Variants in SLC44A5 observed in about 807,000 individuals in gnomAD.
SLC44A5 encodes the protein choline transporter-like protein 5.
In SLC44A5, 57 loss-of-function variants were observed where a neutral mutation model predicts 101.8. That is an observed-to-expected ratio of 0.56 (90% confidence interval 0.45 to 0.70). The LOEUF is 0.70. Ranked by LOEUF, SLC44A5 falls within the 30% of genes least tolerant of loss-of-function variation. The pLI, the probability that SLC44A5 is intolerant of heterozygous loss-of-function variation, is 0.00. For synonymous variants in SLC44A5, 281 were observed against 290.9 expected (o/e 0.97, Z 0.35); for missense variants, 737 against 853.1 (o/e 0.86, Z 1.70).
At chr1:75,212,034 A>T (rs1646868713) in intron 22 of SLC44A5, among the ~76,000 whole-genome samples, 1 of 151,842 alleles carries the variant, frequency 6.6e-6, no homozygotes, top group Non-Finnish European at 1.5e-5. Flanking sequence ...TGATCCAGGG[A>T]CTCTTGCCAC....
intron 2 of SLC44A5, among the ~76,000 whole-genome samples, chr1:75,481,185 A>G (rs1466253234): frequency 6.6e-6 from 1 of 152,228 alleles, no homozygotes; most frequent in Non-Finnish European, 1.5e-5. Context: ...TGTTGCTGGG[A>G]AAACTGGCTA....
At chr1:75,310,411 T>C (rs1029451850) in intron 4 of SLC44A5, among the ~76,000 whole-genome samples, 16 of 152,246 alleles carry the variant, frequency 1.1e-4, no homozygotes. Flanking sequence ...GAGTCTTTGT[T>C]TTTTTATTTA....
intron 2 of SLC44A5, among the ~76,000 whole-genome samples, chr1:75,495,474 CA>C: frequency 6.6e-6 from 1 of 151,732 alleles, no homozygotes; most frequent in East Asian, 1.9e-4. Flanking sequence ...AAGAAACAAA[CA>C]AAAAGTCATA....
chr1:75,672,199 G>C, the SLC44A5 span, among the ~76,000 whole-genome samples: 3 of 152,156 alleles, frequency 2.0e-5, no homozygotes. Context: ...AAAAAGGCAA[G>C]TACCAAATAC....
intron 3 of SLC44A5, among the ~76,000 whole-genome samples, chr1:75,346,052 G>A (rs1023828435): frequency 6.6e-6 from 1 of 152,072 alleles, no homozygotes; most frequent in South Asian, 2.1e-4. Context: ...TGATGACAAC[G>A]CCTCATGCAG....
intron 2 of SLC44A5, among the ~76,000 whole-genome samples, chr1:75,518,353 A>T (rs985226990): frequency 2.0e-5 from 3 of 152,218 alleles, no homozygotes; most frequent in Non-Finnish European, 4.4e-5. Flanking sequence ...TATATTGAAT[A>T]ATTTCTTTAG....
At chr1:75,469,459 C>T (rs1034706682) in intron 2 of SLC44A5, among the ~76,000 whole-genome samples, 8 of 142,236 alleles carry the variant, frequency 5.6e-5, no homozygotes, top group African/African-American at 1.8e-4. Context: ...TACTAGCATT[C>T]CCAGAAAAAA....
intron 13 of SLC44A5, among the ~76,000 whole-genome samples, chr1:75,225,067 CACTT>C (rs1348083935): frequency 6.6e-6 from 1 of 152,176 alleles, no homozygotes; most frequent in Non-Finnish European, 1.5e-5. Flanking sequence ...ACTCACCACT[CACTT>C]ACTGACACCC....
chr1:75,301,534 C>T (rs1654448955), intron 4 of SLC44A5, among the ~76,000 whole-genome samples: 1 of 152,126 alleles, frequency 6.6e-6, no homozygotes, highest in African/African-American at 2.4e-5. Context: ...AAAAGTTGCA[C>T]ATGAGAATTT....
chr1:75,558,172 G>A (rs1348439159), intron 1 of SLC44A5, among the ~76,000 whole-genome samples: 2 of 152,060 alleles, frequency 1.3e-5, no homozygotes, highest in South Asian at 4.2e-4. Context: ...TTTATCTTTG[G>A]ATGTAACTGC....
At chr1:75,614,932 T>C (rs1213146084), upstream of SLC44A5, among the ~76,000 whole-genome samples, 2 of 152,056 alleles carry the variant, frequency 1.3e-5, no homozygotes, top group Admixed American at 6.5e-5. Context: ...GCCGACAAGC[T>C]GCGACCTCTG....
chr1:75,354,537 C>T (rs1167781069), intron 3 of SLC44A5, among the ~76,000 whole-genome samples: 7 of 152,176 alleles, frequency 4.6e-5, no homozygotes, highest in East Asian at 1.9e-4. Flanking sequence ...CAATAAAAAG[C>T]GTGGGCTCCC....
intron 4 of SLC44A5, among the ~76,000 whole-genome samples, chr1:75,321,583 T>C (rs1656152936): frequency 6.6e-6 from 1 of 152,088 alleles, no homozygotes; most frequent in Non-Finnish European, 1.5e-5. Context: ...CCAAGCACCA[T>C]CACACTGAGG....
rs562032808 is a variant in SLC44A5, at chr1:75,579,936, G to C, written c.-70+31104C>G. On this transcript the variant is annotated intron_variant, in intron 1 of 23. Transcript: ENST00000370859. ...CAAATGGTCAGCATTTAAGATCTCAGATCAAATTTTTGGATGTTTTTAATA... is the reference window on the plus strand; with the variant it reads ...CAAATGGTCAGCATTTAAGATCTCACATCAAATTTTTGGATGTTTTTAATA... Among the ~76,000 whole-genome samples, 306 of 152,080 alleles carry C rather than the reference G, an allele frequency of 2.0e-3. 1 individual carries two copies. Among genetic ancestry groups the C allele is most frequent in the Non-Finnish European group, 3.3e-3 (222 of 67,994 alleles).
chr1:75,335,677 C>G (rs1393395291), intron 4 of SLC44A5, among the ~76,000 whole-genome samples: 1 of 152,176 alleles, frequency 6.6e-6, no homozygotes, highest in Non-Finnish European at 1.5e-5. Flanking sequence ...TATCATCAAG[C>G]CTTGCTGGAC....
At chr1:75,681,956 C>T in the SLC44A5 span, among the ~76,000 whole-genome samples, 1 of 152,162 alleles carries the variant, frequency 6.6e-6, no homozygotes, top group Non-Finnish European at 1.5e-5. Flanking sequence ...CATTCCTATA[C>T]ACCAACAACA....
chr1:75,634,825 A>AAG, the SLC44A5 span, among the ~76,000 whole-genome samples: 22 of 152,330 alleles, frequency 1.4e-4, no homozygotes, highest in Admixed American at 5.2e-4. Context: ...GATCTAATTA[A>AAG]AGAGCTTCTG....
chr1:75,407,113 C>T (rs1416814043), intron 2 of SLC44A5, among the ~76,000 whole-genome samples: 1 of 152,018 alleles, frequency 6.6e-6, no homozygotes, highest in Non-Finnish European at 1.5e-5. Flanking sequence ...TTCACAATTG[C>T]TGCTAAGAGA....
At chr1:75,222,797 C>A (rs907472668) in intron 13 of SLC44A5, among the ~76,000 whole-genome samples, 21 of 152,176 alleles carry the variant, frequency 1.4e-4, no homozygotes, top group African/African-American at 4.6e-4. Context: ...GATGTTTTCA[C>A]CTTTAGTTCA....
Sources: gnomAD v4.1 joint callset for allele counts (sites outside exome capture counted in the v4.1 genomes callset) on GRCh38, gnomAD v4.1.1 for gene constraint, MANE v1.5 for transcripts, NCBI Gene and HGNC (gene_info 2026-07-23, HGNC 2026-07-21) for gene names.